DMTF1: variants seen among roughly 807,000 people sequenced by gnomAD.
The protein encoded by DMTF1 is cyclin D binding myb like transcription factor 1.
A neutral mutation model predicts 91.1 loss-of-function variants in DMTF1; 39 were observed. The observed-to-expected ratio is 0.43, with a 90% CI of 0.33 to 0.56. The LOEUF is 0.56. Among genes scored for constraint, DMTF1 ranks in the 20% least tolerant of loss-of-function variants. The probability of loss-of-function intolerance (pLI) is 0.05; values close to 1 mark genes in which losing one functional copy is unlikely to be tolerated. For missense variants in DMTF1, 750 were observed against 914.5 expected (o/e 0.82, Z 2.32); for synonymous variants, 338 against 309.5 (o/e 1.09, Z -0.97).
intron 1 of DMTF1, among the ~76,000 whole-genome samples, chr7:87,159,542 A>G (rs1791688465): frequency 6.6e-6 from 1 of 152,232 alleles, no homozygotes; most frequent in Non-Finnish European, 1.5e-5. Flanking sequence ...CTATTTAAAG[A>G]TACACAGCAA....
At chr7:87,169,742 C>T (rs1180296485) in intron 4 of DMTF1, among the ~76,000 whole-genome samples, 1 of 152,180 alleles carries the variant, frequency 6.6e-6, no homozygotes, top group Non-Finnish European at 1.5e-5. Flanking sequence ...CTCCCTGAAA[C>T]GTTTTCACTT....
chr7:87,176,172 C>G (rs1796224171), intron 7 of DMTF1, among the ~76,000 whole-genome samples: 1 of 152,232 alleles, frequency 6.6e-6, no homozygotes, highest in South Asian at 2.1e-4. Flanking sequence ...TTAATTTTAA[C>G]TGCAACTTTC....
rs1335629687 is a variant in DMTF1, at chr7:87,164,997, T to C, written c.56T>C (p.Val19Ala). 1.9e-6 allele frequency: 3 copies of C among 1,610,972 alleles called. No homozygotes were observed. In the South Asian group the frequency reaches 3.3e-5, roughly 18 times the overall value. The change falls in exon 3 of 18, where the codon GTG becomes GCG. Residue 19 changes from valine (V) to alanine (A), a missense_variant. By Grantham distance (64) the Val-to-Ala change is moderately conservative (BLOSUM62 0). Transcript: ENST00000331242. ...GTAACAGTAGAAACTGTGAACTCTG[T>C]GACTTTGACTCAGGACACAGAAGGG... ...DTVTVETVNS[V>A]TLTQDTEGNL...
intron 5 of DMTF1, among the ~76,000 whole-genome samples, chr7:87,172,184 A>G (rs926943792): frequency 1.3e-5 from 2 of 152,200 alleles, no homozygotes; most frequent in Non-Finnish European, 2.9e-5. Flanking sequence ...CTAGGATCAA[A>G]TCTTATAAAA....
At chr7:87,194,973 T>C (rs1291196249) in intron 17 of DMTF1, 58 bp from the exon 18 acceptor site, 1 of 1,502,116 alleles carries the variant, frequency 6.7e-7, no homozygotes, top group East Asian at 2.3e-5. Context: ...CCTTAAATTC[T>C]TGACATGGAT....
At chr7:87,171,198 A>AGTGGCATG in intron 5 of DMTF1, 109 bp downstream of exon 5, 2 of 698,732 alleles carry the variant, frequency 2.9e-6, no homozygotes, top group Non-Finnish European at 4.7e-6. Context: ...CTACTGGCAC[A>AGTGGCATG]TGCCACTGTG....
At chr7:87,187,686 C>CAAGG (rs1253714940) in intron 12 of DMTF1, 1 of 204,178 alleles carries the variant, frequency 4.9e-6, no homozygotes, top group Non-Finnish European at 9.9e-6. Context: ...GACCAACAGT[C>CAAGG]AAGGGCCCTT....
At chr7:87,165,455 T>C (rs1793615897) in intron 3 of DMTF1, among the ~76,000 whole-genome samples, 1 of 152,148 alleles carries the variant, frequency 6.6e-6, no homozygotes, top group African/African-American at 2.4e-5. Context: ...TCAATAGCTT[T>C]CCAGCTGATA....
chr7:87,160,243 C>G (rs1280119159), intron 1 of DMTF1, among the ~76,000 whole-genome samples: 2 of 150,024 alleles, frequency 1.3e-5, no homozygotes, highest in East Asian at 3.9e-4. Flanking sequence ...GAAAGCTAAA[C>G]TTCGTGAAAA....
chr7:87,159,946 T>C (rs1159460296), intron 1 of DMTF1, among the ~76,000 whole-genome samples: 1 of 152,218 alleles, frequency 6.6e-6, no homozygotes, highest in Admixed American at 6.5e-5. Flanking sequence ...ACGTGTTACA[T>C]GACTGTCTTT....
rs1403812038 is a variant in DMTF1, at chr7:87,185,940, C to T, written c.1161C>T (p.Ile387=). The change falls in exon 12 of 18, where the codon ATC becomes ATT. Residue 387 remains isoleucine, a synonymous_variant. Coordinates refer to ENST00000331242, the MANE Select transcript of DMTF1 (RefSeq NM_001142327.2). ...PQWLRSKWWT[I]KRQIANHKDV... is the part of the protein sequence containing the mutation. Reference sequence around the variant, plus strand: ...GGCTACGAAGTAAATGGTGGACCATCAAAAGGCAAATTGCAAACCATAAGG... The same window carrying T: ...GGCTACGAAGTAAATGGTGGACCATTAAAAGGCAAATTGCAAACCATAAGG... 1.5e-5 allele frequency: 24 copies of T among 1,613,774 alleles called. No individual in the cohort carries two copies. Among genetic ancestry groups the T allele is most frequent in the Non-Finnish European group, 2.0e-5 (24 of 1,179,856 alleles).
intron 4 of DMTF1, among the ~76,000 whole-genome samples, chr7:87,168,161 A>G (rs1562798252): frequency 6.6e-6 from 1 of 152,202 alleles, no homozygotes; most frequent in Non-Finnish European, 1.5e-5. Context: ...ATCTGTCTAG[A>G]TTGTAAAAAT....
At chr7:87,193,131 C>G in intron 14 of DMTF1, 67 bp from the exon 15 acceptor site, 1 of 1,553,376 alleles carries the variant, frequency 6.4e-7, no homozygotes, top group Non-Finnish European at 8.8e-7. Flanking sequence ...GTAAACTAAA[C>G]TCAGTCCGTT....
chr7:87,195,451 T>C lies in DMTF1; in HGVS notation c.*311T>C, dbSNP rs942005260. On this transcript the variant is annotated 3_prime_UTR_variant, in exon 18 of 18. Transcript: ENST00000331242. ...AAGAAAAGTTTAGAATCACGAAAGC[T>C]TAACTGCTGTGGTTTAAAGTACAGT... 2 of 237,074 alleles carry C rather than the reference T, an allele frequency of 8.4e-6. No homozygotes were observed. Among genetic ancestry groups the C allele is most frequent in the Non-Finnish European group, 8.3e-6 (1 of 120,742 alleles). 14.7% of individuals were successfully genotyped at this position (237,074 alleles called of 1,614,324 possible).
At chr7:87,165,236 A>C (rs2129070689) in intron 3 of DMTF1, among the ~76,000 whole-genome samples, 186 bp downstream of exon 3, 1 of 152,142 alleles carries the variant, frequency 6.6e-6, no homozygotes, top group Middle Eastern at 3.4e-3. Context: ...TATAAATAGG[A>C]TCTGTTGAGC....
intron 8 of DMTF1, 150 bp downstream of exon 8, chr7:87,179,852 A>C: frequency 1.5e-6 from 1 of 686,210 alleles, no homozygotes; most frequent in Non-Finnish European, 2.3e-6. Flanking sequence ...ATATGGTGAA[A>C]CCTTATTATT....
chr7:87,181,151 C>A, intron 8 of DMTF1, 158 bp from the exon 9 acceptor site: 1 of 470,246 alleles, frequency 2.1e-6, no homozygotes. Context: ...CCTGCCTATT[C>A]TCAACTTTTA....
rs374212127 is a variant in DMTF1 at position 87,184,823 on chromosome 7, G to C, written c.1049+198G>C. Reference sequence around the variant, plus strand: ...GTTTGTTCCTTTTTTTTTTTAGTGGGTTTAGTGCTCATGCAAAGTACCAGA... The same window carrying C: ...GTTTGTTCCTTTTTTTTTTTAGTGGCTTTAGTGCTCATGCAAAGTACCAGA... On this transcript the variant is annotated intron_variant, in intron 11 of 17. Transcript: ENST00000331242. The C allele has an allele frequency of 7.4e-6, 5 of 678,950 alleles. No homozygotes were observed. The East Asian group carries it at 8.5e-5, about 12-fold the overall frequency. The allele number at this position is 678,950 out of a possible 1,614,324, so 42.1% of individuals were successfully genotyped here. A position where few individuals can be genotyped will look rare whatever the true frequency, so the allele number is the denominator to read the frequency against.
chr7:87,193,649 G>A, intron 15 of DMTF1, 76 bp from the exon 16 acceptor site: 2 of 1,306,278 alleles, frequency 1.5e-6, no homozygotes, highest in South Asian at 1.4e-5. Flanking sequence ...GGTAAGAGAT[G>A]TGGGGGGAGA....
Sources: gnomAD v4.1 joint callset for allele counts (sites outside exome capture counted in the v4.1 genomes callset) on GRCh38, gnomAD v4.1.1 for gene constraint, MANE v1.5 for transcripts, NCBI Gene and HGNC (gene_info 2026-07-23, HGNC 2026-07-21) for gene names.